The following CNTNAP5 variants were observed in gnomAD, a reference collection of about 807,000 sequenced individuals.
CNTNAP5 encodes contactin-associated protein-like 5.
Under a neutral mutation model 150.2 loss-of-function variants are expected in CNTNAP5, and 72 were observed. The observed-to-expected ratio is 0.48, with a 90% confidence interval of 0.40 to 0.58. The LOEUF (loss-of-function observed/expected upper bound fraction) is 0.58, where lower values mean the gene tolerates loss of function less well. Among genes scored for constraint, CNTNAP5 ranks in the 20% least tolerant of loss-of-function variants. CNTNAP5 has a pLI of 0.00. For missense variants in CNTNAP5, 1,636 were observed against 1,626.2 expected, an observed-to-expected ratio of 1.01 and a Z score of -0.10; for synonymous variants, 672 against 619.8, an observed-to-expected ratio of 1.08 and a Z score of -1.25.
intron 19 of CNTNAP5, among the ~76,000 whole-genome samples, chr2:124,845,284 A>G (rs955351222): frequency 2.0e-5 from 3 of 152,036 alleles, no homozygotes; most frequent in African/African-American, 7.2e-5. Context: ...TATCACATTT[A>G]TTGACTTATG....
chr2:124,304,820 A>G (rs937605715), intron 3 of CNTNAP5, among the ~76,000 whole-genome samples: 2 of 152,140 alleles, frequency 1.3e-5, no homozygotes, highest in Non-Finnish European at 2.9e-5. Context: ...TCATTCATTC[A>G]TTCAACCTCC....
chr2:124,834,116 T>C (rs993167784), intron 19 of CNTNAP5, among the ~76,000 whole-genome samples: 1 of 152,164 alleles, frequency 6.6e-6, no homozygotes, highest in Non-Finnish European at 1.5e-5. Context: ...TTAGTATTAT[T>C]CCACATCATG....
chr2:124,201,636 T>G (rs886702363), intron 1 of CNTNAP5, among the ~76,000 whole-genome samples: 1 of 152,240 alleles, frequency 6.6e-6, no homozygotes, highest in African/African-American at 2.4e-5. Flanking sequence ...AGAATCACAG[T>G]ATAGTTGGAG....
intron 3 of CNTNAP5, among the ~76,000 whole-genome samples, chr2:124,361,891 G>T (rs1275887723): frequency 1.4e-5 from 2 of 142,498 alleles, no homozygotes; most frequent in Non-Finnish European, 3.2e-5. Flanking sequence ...GGCAATGGCG[G>T]GCGCCCCTCC....
chr2:124,588,349 C>A (rs1696603912), intron 11 of CNTNAP5, among the ~76,000 whole-genome samples: 2 of 151,888 alleles, frequency 1.3e-5, no homozygotes, highest in South Asian at 4.2e-4. Flanking sequence ...AGATCCCTAT[C>A]CCCAGAGATT....
intron 19 of CNTNAP5, among the ~76,000 whole-genome samples, chr2:124,828,665 G>A (rs867473705): frequency 5.2e-4 from 65 of 126,062 alleles, no homozygotes; most frequent in African/African-American, 1.8e-3. Context: ...ATAAGTATAA[G>A]GCAAATATTT....
chr2:124,434,542 G>A lies in CNTNAP5; in HGVS notation c.588G>A (p.Lys196=). The A allele has an allele frequency of 6.2e-7, 1 of 1,613,982 alleles. No homozygotes were observed. The highest frequency in any genetic ancestry group is 8.5e-7 in the Non-Finnish European group (1 of 1,179,850). Residue 196 remains lysine (K), a synonymous_variant, in exon 5 of 24, where the codon AAG becomes AAA. Transcript: ENST00000682447. ...RSSLLYRFNQ[K]LMSTLKDVIS... ...CACTTCTGTACAGGTTCAATCAGAAGTTGATGAGTACTCTCAAAGATGTGA... is the reference window on the plus strand; with the variant it reads ...CACTTCTGTACAGGTTCAATCAGAAATTGATGAGTACTCTCAAAGATGTGA...
At chr2:124,491,453 GGAGAGAGA>G in intron 7 of CNTNAP5, among the ~76,000 whole-genome samples, 1 of 150,628 alleles carries the variant, frequency 6.6e-6, no homozygotes, top group Non-Finnish European at 1.5e-5. Flanking sequence ...ACACACATAT[GGAGAGAGA>G]GAGAGAGAGA....
At chr2:124,653,695 A>G (rs1284821477) in intron 13 of CNTNAP5, among the ~76,000 whole-genome samples, 1 of 150,888 alleles carries the variant, frequency 6.6e-6, no homozygotes, top group Non-Finnish European at 1.5e-5. Context: ...ATGTCAAGAT[A>G]CTCTGGGGTT....
Position 124,227,259 on chromosome 2 carries a change from A to T in CNTNAP5, c.187+5450A>T, listed in dbSNP as rs139309455. Among the ~76,000 whole-genome samples the T allele has an allele frequency of 5.9e-5, 9 of 152,194 alleles. 1 individual carries two copies. The East Asian group carries it at 1.7e-3, about 29-fold the overall frequency. The stretch of plus-strand genomic sequence containing the variant: ...TCCAGCATGTTCTCCTCCCTAACAG[A>T]TTTGCTAATAAATGCAGTCACAATG... On this transcript the variant is annotated intron_variant, in intron 2 of 23. Coordinates refer to ENST00000682447, the MANE Select transcript of CNTNAP5 (RefSeq NM_001367498.1).
chr2:124,839,288 G>A (rs1367732522), intron 19 of CNTNAP5, among the ~76,000 whole-genome samples: 3 of 152,054 alleles, frequency 2.0e-5, no homozygotes, highest in Non-Finnish European at 2.9e-5. Flanking sequence ...GTATAAAAGG[G>A]AATGACGTGA....
intron 16 of CNTNAP5, among the ~76,000 whole-genome samples, chr2:124,770,615 G>T (rs1240029205): frequency 6.6e-6 from 1 of 152,146 alleles, no homozygotes; most frequent in Non-Finnish European, 1.5e-5. Flanking sequence ...CTGCCAGGTG[G>T]CACTGGTGAT....
At chr2:124,849,095 T>C (rs889131177) in intron 19 of CNTNAP5, among the ~76,000 whole-genome samples, 2 of 152,170 alleles carry the variant, frequency 1.3e-5, no homozygotes, top group African/African-American at 4.8e-5. Flanking sequence ...TTCCTCCATG[T>C]TTTCTTCTAG....
chr2:124,052,393 G>T (rs147020088), intron 1 of CNTNAP5, among the ~76,000 whole-genome samples: 1 of 152,200 alleles, frequency 6.6e-6, no homozygotes, highest in African/African-American at 2.4e-5. Flanking sequence ...ATGCTCAGAT[G>T]TGAGTTAACA....
intron 19 of CNTNAP5, among the ~76,000 whole-genome samples, chr2:124,810,737 G>A (rs1250578039): frequency 6.6e-6 from 1 of 152,102 alleles, no homozygotes; most frequent in African/African-American, 2.4e-5. Flanking sequence ...AAGGCACAGA[G>A]AAAAACCAGT....
chr2:124,652,292 G>A (rs889259940), intron 13 of CNTNAP5, among the ~76,000 whole-genome samples: 1 of 152,122 alleles, frequency 6.6e-6, no homozygotes, highest in African/African-American at 2.4e-5. Context: ...TTTCTGCAGG[G>A]CTGGAGGCCC....
At chr2:124,245,224 C>T (rs1686987504) in intron 3 of CNTNAP5, among the ~76,000 whole-genome samples, 1 of 152,128 alleles carries the variant, frequency 6.6e-6, no homozygotes, top group African/African-American at 2.4e-5. Flanking sequence ...CTTGGACTCT[C>T]TAAAACCCTC....
intron 13 of CNTNAP5, among the ~76,000 whole-genome samples, chr2:124,728,974 T>C (rs1680215465): frequency 6.6e-6 from 1 of 152,116 alleles, no homozygotes; most frequent in South Asian, 2.1e-4. Flanking sequence ...CCTCTCACTT[T>C]GTTGGCTGGT....
At chr2:124,731,611 G>A (rs1033939305) in intron 13 of CNTNAP5, among the ~76,000 whole-genome samples, 1 of 151,362 alleles carries the variant, frequency 6.6e-6, no homozygotes, top group African/African-American at 2.4e-5. Context: ...CAAATGCAGA[G>A]ACAGAGAGAA....
Sources: allele counts gnomAD v4.1 joint callset (sites outside exome capture counted in the v4.1 genomes callset), GRCh38; gene constraint gnomAD v4.1.1; transcripts MANE v1.5; gene names NCBI Gene and HGNC (gene_info 2026-07-23, HGNC 2026-07-21).